Variants in GLB1L3 observed in about 807,000 individuals in gnomAD.
The protein encoded by GLB1L3 is galactosidase beta 1 like 3.
GLB1L3 carries 89 observed loss-of-function variants against 89.5 expected under a neutral mutation model. The ratio of observed to expected loss-of-function variants is 0.99; its 90% CI spans 0.84 to 1.19. GLB1L3 has a LOEUF of 1.19. GLB1L3 is among the 50% of genes most tolerant of loss of function. The pLI is 0.00. For missense variants in GLB1L3, 812 were observed against 813.3 expected (o/e 1.00, Z 0.02); for synonymous variants, 314 against 312.3 (o/e 1.01, Z -0.06).
In GLB1L3 at chr11:134,276,469, G is replaced by C. The variant is rs920031995; in HGVS notation, c.-272G>C. 3 of 358,864 alleles carry C rather than the reference G, an allele frequency of 8.4e-6. No homozygotes were observed. Among genetic ancestry groups the C allele is most frequent in the Non-Finnish European group, 1.0e-5 (2 of 200,982 alleles). The allele number at this position is 358,864 out of a possible 1,614,324, so 22.2% of individuals were successfully genotyped here. On this transcript the variant is annotated 5_prime_UTR_variant, in exon 1 of 20. Transcript: ENST00000431683. The stretch of plus-strand genomic sequence containing the variant: ...CCCTCCCGCTTCCCCTCCGAGGGCA[G>C]AGAGGCGTCCGCGCCCGGACGCACT...
chr11:134,322,949 G>A (rs750797521), downstream of GLB1L3, among the ~76,000 whole-genome samples: 1 of 152,110 alleles, frequency 6.6e-6, no homozygotes, highest in Non-Finnish European at 1.5e-5. Flanking sequence ...GAATTGCTGG[G>A]TCATACGGTA....
chr11:134,287,771 A>G (rs1032024912), intron 6 of GLB1L3, among the ~76,000 whole-genome samples: 5 of 152,322 alleles, frequency 3.3e-5, no homozygotes, highest in African/African-American at 1.2e-4. Context: ...ACAGAATCTC[A>G]GTAGGAGCTG....
intron 9 of GLB1L3, among the ~76,000 whole-genome samples, chr11:134,300,298 A>G (rs1198092079): frequency 2.0e-5 from 3 of 149,660 alleles, no homozygotes; most frequent in South Asian, 4.2e-4. Flanking sequence ...AGGACACCAG[A>G]CATATTGGAT....
rs1239643131 is a variant in GLB1L3, at chr11:134,309,681, T to C, written c.1017T>C (p.Tyr339=). The part of the protein sequence containing the change: ...FIKYEISFNV[Y]MFHGGTNFGF... ...AATATGAGATCTCCTTCAATGTATATATGTTCCATGGTGGAACCAACTTTG... is the reference window on the plus strand; with the variant it reads ...AATATGAGATCTCCTTCAATGTATACATGTTCCATGGTGGAACCAACTTTG... The change falls in exon 11 of 20, where the codon TAT becomes TAC. Residue 339 remains tyrosine (Y), a synonymous_variant. Transcript: ENST00000431683. 6.2e-7 allele frequency: 1 copy of C among 1,612,968 alleles called. No individual in the cohort carries two copies. The highest frequency in any genetic ancestry group is 1.1e-5 in the South Asian group (1 of 90,782).
chr11:134,283,200 T>G (rs1009103869), intron 5 of GLB1L3, among the ~76,000 whole-genome samples: 31 of 152,024 alleles, frequency 2.0e-4, no homozygotes, highest in Non-Finnish European at 4.3e-4. Flanking sequence ...GTAGCTGGGA[T>G]TACAGGCGCC....
chr11:134,290,044 T>C (rs375717916), intron 7 of GLB1L3, among the ~76,000 whole-genome samples: 13 of 152,188 alleles, frequency 8.5e-5, no homozygotes, highest in African/African-American at 3.1e-4. Flanking sequence ...AGGGCGGGGC[T>C]GGACTTCATC....
At chr11:134,293,078 G>T in intron 8 of GLB1L3, 67 bp from the exon 9 acceptor site, 2 of 1,320,486 alleles carry the variant, frequency 1.5e-6, no homozygotes, top group Admixed American at 3.4e-5. Flanking sequence ...GGCCGGGGGC[G>T]CATTCCTTCC....
At chr11:134,282,364 G>A (rs1940746566) in intron 5 of GLB1L3, among the ~76,000 whole-genome samples, 1 of 152,064 alleles carries the variant, frequency 6.6e-6, no homozygotes, top group Non-Finnish European at 1.5e-5. Context: ...GTTGGTCCTG[G>A]GGCCTTGGGC....
chr11:134,299,278 T>TAGTTACAACATCTGTGTCTTATCAGAA (rs1205300521), intron 9 of GLB1L3, among the ~76,000 whole-genome samples: 38 of 152,276 alleles, frequency 2.5e-4, no homozygotes, highest in African/African-American at 9.1e-4. Flanking sequence ...CCTTGTGAGA[T>TAGTTACAACATCTGTGTCTTATCAGAA]AGTTACAACA....
rs1942243424 is a variant in GLB1L3, at chr11:134,307,174, A to T, written c.927A>T (p.Arg309Ser). 6.2e-7 allele frequency: 1 copy of T among 1,613,654 alleles called. No homozygotes were observed. Among genetic ancestry groups the T allele is most frequent in the Non-Finnish European group, 8.5e-7 (1 of 1,179,688 alleles). ...AATACTGGGTCGGCTGGTTCGACAG[A>T]TGGGGAGATAAGCACCATGTTAAAG... The part of the protein sequence containing the change: ...IMEYWVGWFD[R>S]WGDKHHVKDA... Residue 309 changes from arginine to serine, a missense_variant, in exon 10 of 20, where the codon AGA becomes AGT. Transcript: ENST00000431683.
intron 18 of GLB1L3, among the ~76,000 whole-genome samples, chr11:134,317,584 A>C (rs1382996310): frequency 6.6e-6 from 1 of 152,220 alleles, no homozygotes; most frequent in Admixed American, 6.5e-5. Flanking sequence ...AGTTTAATAC[A>C]GGATCAAGCT....
At chr11:134,282,990 C>T (rs1011585730) in intron 5 of GLB1L3, among the ~76,000 whole-genome samples, 1 of 152,162 alleles carries the variant, frequency 6.6e-6, no homozygotes, top group African/African-American at 2.4e-5. Context: ...CACGTAGGCT[C>T]CTGCCCTGAG....
In GLB1L3 at chr11:134,276,692, G is replaced by A; in HGVS notation, c.-49G>A. 1.4e-6 allele frequency: 2 copies of A among 1,409,368 alleles called. No homozygotes were observed. The highest frequency in any genetic ancestry group is 1.9e-6 in the Non-Finnish European group (2 of 1,080,820). The allele number at this position is 1,409,368 out of a possible 1,614,324, so 87.3% of individuals were successfully genotyped here. On this transcript the variant is annotated 5_prime_UTR_variant, in exon 1 of 20. Transcript: ENST00000431683. The stretch of plus-strand genomic sequence containing the variant: ...CCCGAGCGCGGCGTCGGGGCCAGCG[G>A]AGAGGGGCGGAAGCCGCAAGGGACC...
chr11:134,318,522 A>G, intron 18 of GLB1L3, 109 bp from the exon 19 acceptor site: 1 of 680,786 alleles, frequency 1.5e-6, no homozygotes. Context: ...ACTCACCTTC[A>G]TTTGAGTGCC....
Position 134,277,524 on chromosome 11 carries a change from AATATGCACAGAACACGTCCTACTAAC to A in GLB1L3, c.150-122_150-97del, listed in dbSNP as rs1188813588. Reference sequence around the variant, plus strand: ...CTTTCTTGGAGAAAATAGTATCGCGAATATGCACAGAACACGTCCTACTAACATATGCACAGAACACGTCCTACTAA... The same window carrying A: ...CTTTCTTGGAGAAAATAGTATCGCGAATATGCACAGAACACGTCCTACTAA... On this transcript the variant is annotated intron_variant, in intron 2 of 19. Transcript: ENST00000431683. 3,601 of 1,582,388 alleles carry A rather than the reference AATATGCACAGAACACGTCCTACTAAC, an allele frequency of 2.3e-3. 39 individuals carry two copies. Among genetic ancestry groups the A allele is most frequent in the African/African-American group, 4.4e-3 (311 of 71,228 alleles).
intron 9 of GLB1L3, among the ~76,000 whole-genome samples, chr11:134,304,836 C>G (rs1359588749): frequency 6.6e-6 from 1 of 152,082 alleles, no homozygotes; most frequent in East Asian, 1.9e-4. Flanking sequence ...TGTTCCTCCT[C>G]TAATTTCTTT....
Position 134,292,140 on chromosome 11 carries a change from G to C in GLB1L3, c.738G>C (p.Leu246=), listed in dbSNP as rs1390904078. 1.4e-5 allele frequency: 22 copies of C among 1,613,444 alleles called. No homozygotes were observed. The highest frequency in any genetic ancestry group is 1.7e-5 in the Non-Finnish European group (20 of 1,179,462). ...GTTAATTTTCTCAACAGGCCCTGCT[G>C]AGAAGAGGGATTGTGGAGCTTCTCT... ...TYMPYLHKAL[L]RRGIVELLLT... Residue 246 remains leucine, a synonymous_variant, in exon 8 of 20, where the codon CTG becomes CTC. Transcript: ENST00000431683.
At position 134,277,328 on chromosome 11, in the gene GLB1L3, C is replaced by G. The variant is rs750134337; in HGVS notation, c.26C>G (p.Pro9Arg). 1 of 1,613,938 alleles carries G rather than the reference C, an allele frequency of 6.2e-7. No homozygotes were observed. The highest frequency in any genetic ancestry group is 1.7e-5 in the Admixed American group (1 of 60,034). MKSPPLLSPCLSWKRMAGI... is the reference protein window; with the variant it reads MKSPPLLSRCLSWKRMAGI... ...ACTGTTGTCCTTTCTCCTTTCAGCC[C>G]GTGTCTCTCCTGGAAGAGAATGGCG... The change falls in exon 2 of 20, where the codon CCG becomes CGG. Residue 9 changes from proline to arginine, a missense_variant and splice_region_variant. Coordinates refer to ENST00000431683, the MANE Select transcript of GLB1L3 (RefSeq NM_001080407.3).
rs1411478784 is a variant in GLB1L3, at chr11:134,312,789, A to G, written c.1429-27A>G. On this transcript the variant is annotated intron_variant, in intron 14 of 19. Transcript: ENST00000431683. Reference sequence around the variant, plus strand: ...CTCCCTTTCTTCGGGTGGGCCTAGCAGTCTGACGCCGGCTCTTCTTTTGCA... The same window carrying G: ...CTCCCTTTCTTCGGGTGGGCCTAGCGGTCTGACGCCGGCTCTTCTTTTGCA... 6 of 1,584,664 alleles carry G rather than the reference A, an allele frequency of 3.8e-6. No homozygotes were observed. In the East Asian group the frequency reaches 1.3e-4, roughly 36 times the overall value.
Sources: gnomAD v4.1 joint callset for allele counts (sites outside exome capture counted in the v4.1 genomes callset) on GRCh38, gnomAD v4.1.1 for gene constraint, MANE v1.5 for transcripts, NCBI Gene and HGNC (gene_info 2026-07-23, HGNC 2026-07-21) for gene names.